Variants in NEDD4 observed in about 807,000 individuals in gnomAD.
The protein encoded by NEDD4 is E3 ubiquitin-protein ligase NEDD4.
Under a neutral mutation model 144.9 loss-of-function variants are expected in NEDD4, and 99 were observed. The observed-to-expected ratio is 0.68, with a 90% CI of 0.58 to 0.81. The LOEUF (loss-of-function observed/expected upper bound fraction) is 0.81. Among genes scored for constraint, NEDD4 ranks in the 30% least tolerant of loss-of-function variants. The pLI is 0.00. For missense variants in NEDD4, 985 were observed against 1,065.9 expected (o/e 0.92, Z 1.06); for synonymous variants, 318 against 350.6 (o/e 0.91, Z 1.04).
intron 2 of NEDD4, among the ~76,000 whole-genome samples, chr15:55,958,575 T>C (rs141945279): frequency 3.0e-4 from 46 of 152,264 alleles, no homozygotes; most frequent in African/African-American, 1.1e-3. Flanking sequence ...TTTCCCTAAA[T>C]GTCTGATAGC....
intron 1 of NEDD4, among the ~76,000 whole-genome samples, chr15:55,976,457 C>G (rs1008093382): frequency 2.0e-5 from 3 of 152,036 alleles, no homozygotes; most frequent in Non-Finnish European, 4.4e-5. Context: ...AAATGGAAAA[C>G]AAGTATTTGA....
rs764596867 is a variant in NEDD4, at chr15:55,840,737, C to A, written c.1839-10G>T. The A allele has an allele frequency of 1.9e-6, 3 of 1,600,076 alleles. No homozygotes were observed. ...TAGGGTATAATTGTCCCTGTAAAGA[C>A]AACCCCATTTAAATACTTCATTTGA... On this transcript the variant is annotated splice_polypyrimidine_tract_variant and intron_variant, in intron 19 of 28. Transcript: ENST00000435532.
chr15:55,831,583 G>C (rs1400430803), intron 27 of NEDD4, among the ~76,000 whole-genome samples: 1 of 152,168 alleles, frequency 6.6e-6, no homozygotes, highest in African/African-American at 2.4e-5. Flanking sequence ...ATTAGGCAAA[G>C]AATGACTGAA....
chr15:55,894,481 T>C (rs927552644), intron 5 of NEDD4, among the ~76,000 whole-genome samples: 1 of 152,166 alleles, frequency 6.6e-6, no homozygotes, highest in Non-Finnish European at 1.5e-5. Context: ...ACACCGGTAC[T>C]TGGTTCTTTG....
intron 19 of NEDD4, 71 bp downstream of exon 19, chr15:55,841,863 A>G (rs1269945414): frequency 2.3e-6 from 3 of 1,330,126 alleles, no homozygotes; most frequent in South Asian, 2.5e-5. Context: ...GAGCCACTGC[A>G]CCCGGCCGAC....
chr15:55,993,391 G>T, intron 1 of NEDD4, 120 bp downstream of exon 1: 1 of 1,292,798 alleles, frequency 7.7e-7, no homozygotes, highest in South Asian at 1.3e-5. Flanking sequence ...CCAGGCTCGC[G>T]CCGAGGGAGG....
intron 4 of NEDD4, among the ~76,000 whole-genome samples, chr15:55,934,083 G>T (rs566318207): frequency 6.6e-6 from 1 of 152,180 alleles, no homozygotes; most frequent in Non-Finnish European, 1.5e-5. Flanking sequence ...AACCCAGGAG[G>T]TGGAGGTTGC....
intron 4 of NEDD4, among the ~76,000 whole-genome samples, chr15:55,933,746 G>A (rs2036829267): frequency 6.6e-6 from 1 of 152,182 alleles, no homozygotes; most frequent in African/African-American, 2.4e-5. Context: ...TCTACTTGCT[G>A]CTGCCATGTG....
At chr15:55,961,827 C>G (rs1333342905) in intron 2 of NEDD4, among the ~76,000 whole-genome samples, 1 of 152,086 alleles carries the variant, frequency 6.6e-6, no homozygotes, top group Non-Finnish European at 1.5e-5. Context: ...GTGGTCTATG[C>G]TAGTGAATGT....
intron 12 of NEDD4, among the ~76,000 whole-genome samples, chr15:55,854,711 C>G (rs1193686611): frequency 1.3e-5 from 2 of 151,770 alleles, no homozygotes; most frequent in African/African-American, 4.8e-5. Flanking sequence ...TACAAAAACT[C>G]TTTAATTGTA....
At chr15:55,842,776 T>C (rs547738187) in intron 18 of NEDD4, among the ~76,000 whole-genome samples, 1 of 152,240 alleles carries the variant, frequency 6.6e-6, no homozygotes, top group Non-Finnish European at 1.5e-5. Context: ...CTGTGACCTG[T>C]AGGATAGCCA....
Position 55,946,464 on chromosome 15 carries a change from A to C in NEDD4, c.237+4912T>G, listed in dbSNP as rs907395038. On this transcript the variant is annotated intron_variant, in intron 4 of 28. Transcript: ENST00000435532. The stretch of plus-strand genomic sequence containing the variant: ...TTCAACAAGAAGAGCTAACTATCCT[A>C]AATATATATGCACCCAATACAGAAG... Among the ~76,000 whole-genome samples the C allele has an allele frequency of 2.3e-4, 35 of 152,328 alleles. 1 individual carries two copies. Among genetic ancestry groups the C allele is most frequent in the Non-Finnish European group, 4.9e-4 (33 of 68,030 alleles).
chr15:55,908,170 T>C (rs1399496556), intron 5 of NEDD4, among the ~76,000 whole-genome samples: 1 of 152,128 alleles, frequency 6.6e-6, no homozygotes, highest in African/African-American at 2.4e-5. Context: ...TTCCAAAGGG[T>C]CCCTGGCTTT....
At chr15:55,975,329 T>C (rs1458231625) in intron 1 of NEDD4, among the ~76,000 whole-genome samples, 1 of 152,164 alleles carries the variant, frequency 6.6e-6, no homozygotes, top group Non-Finnish European at 1.5e-5. Context: ...GAACTTATAT[T>C]TGGAAAAGCT....
At chr15:55,859,029 G>A (rs1311566823) in intron 11 of NEDD4, among the ~76,000 whole-genome samples, 3 of 152,194 alleles carry the variant, frequency 2.0e-5, no homozygotes, top group African/African-American at 4.8e-5. Context: ...ATGAAGGCAG[G>A]AGATATTGTT....
At chr15:55,852,885 G>C (rs1226902755) in intron 12 of NEDD4, among the ~76,000 whole-genome samples, 1 of 151,824 alleles carries the variant, frequency 6.6e-6, no homozygotes, top group East Asian at 1.9e-4. Context: ...GAGTAGCTGG[G>C]ATTACAGGCA....
rs142213582 is a variant in NEDD4, at chr15:55,944,702, C to T, written c.237+6674G>A. ...GCCACCTCAAGTGGGTCCCTGACCCCCGTGTAGCCTAACTGGGAGACACTT... is the reference window on the plus strand; with the variant it reads ...GCCACCTCAAGTGGGTCCCTGACCCTCGTGTAGCCTAACTGGGAGACACTT... On this transcript the variant is annotated intron_variant, in intron 4 of 28. Coordinates refer to ENST00000435532, the MANE Select transcript of NEDD4 (RefSeq NM_006154.4). 2.9e-4 allele frequency among the ~76,000 whole-genome samples: 44 copies of T among 152,326 alleles called. No homozygotes were observed. In the East Asian group the frequency reaches 6.4e-3, roughly 22 times the overall value.
At chr15:55,929,209 A>G (rs1172156617) in intron 4 of NEDD4, among the ~76,000 whole-genome samples, 1 of 152,208 alleles carries the variant, frequency 6.6e-6, no homozygotes, top group Non-Finnish European at 1.5e-5. Context: ...CTTAGCCTCC[A>G]GATGGTACAT....
chr15:55,858,102 T>A (rs2034266180), intron 11 of NEDD4, among the ~76,000 whole-genome samples: 1 of 152,174 alleles, frequency 6.6e-6, no homozygotes, highest in South Asian at 2.1e-4. Flanking sequence ...ACAAACACAC[T>A]GTTCTGTACC....
Sources: gnomAD v4.1 joint callset for allele counts (sites outside exome capture counted in the v4.1 genomes callset) on GRCh38, gnomAD v4.1.1 for gene constraint, MANE v1.5 for transcripts, NCBI Gene and HGNC (gene_info 2026-07-23, HGNC 2026-07-21) for gene names.